TDP1: variants seen among roughly 807,000 people sequenced by gnomAD.
TDP1 encodes the protein tyrosyl-DNA phosphodiesterase 1.
TDP1 carries 64 observed loss-of-function variants against 81.5 expected under a neutral mutation model. That is an observed-to-expected ratio of 0.79 (90% CI 0.64 to 0.97). The LOEUF is 0.97. Ranked by LOEUF, TDP1 falls within the 50% of genes least tolerant of loss-of-function variation. The pLI is 0.00. For synonymous variants in TDP1, 256 were observed against 264.3 expected (o/e 0.97, Z 0.30); for missense variants, 723 against 743.8 (o/e 0.97, Z 0.33).
chr14:89,991,794 A>G (rs936536288), intron 12 of TDP1, 123 bp from the exon 13 acceptor site: 36 of 1,210,184 alleles, frequency 3.0e-5, no homozygotes, highest in Non-Finnish European at 3.8e-5. Flanking sequence ...ATTCTATAAG[A>G]TGAAGTAATA....
At chr14:89,969,009 A>G (rs1032434178) in intron 5 of TDP1, among the ~76,000 whole-genome samples, 3 of 152,210 alleles carry the variant, frequency 2.0e-5, no homozygotes, top group Admixed American at 1.3e-4. Context: ...GGGTGCAGAG[A>G]CAGAGATAAG....
intron 14 of TDP1, among the ~76,000 whole-genome samples, chr14:90,000,041 C>G (rs548641467): frequency 6.6e-6 from 1 of 152,292 alleles, no homozygotes; most frequent in African/African-American, 2.4e-5. Context: ...CAGCTGTGCT[C>G]TCATCTGAAG....
intron 13 of TDP1, among the ~76,000 whole-genome samples, chr14:89,992,615 C>A (rs1042039400): frequency 2.6e-5 from 4 of 152,168 alleles, no homozygotes; most frequent in Non-Finnish European, 5.9e-5. Context: ...AATCCTAGAG[C>A]TTTTCTTTAG....
At chr14:89,981,958 G>A (rs1895023211) in intron 8 of TDP1, among the ~76,000 whole-genome samples, 3 of 152,180 alleles carry the variant, frequency 2.0e-5, no homozygotes, top group Admixed American at 2.0e-4. Context: ...ACCGTGCCTG[G>A]CCCCAAGTTA....
intron 14 of TDP1, among the ~76,000 whole-genome samples, chr14:90,002,717 A>AG (rs1897286814): frequency 1.3e-5 from 2 of 151,454 alleles, no homozygotes; most frequent in African/African-American, 4.8e-5. Context: ...AAAAAAAAAA[A>AG]AAAAGGCGGG....
chr14:89,962,070 T>C (rs1186950840), intron 2 of TDP1, among the ~76,000 whole-genome samples: 3 of 152,190 alleles, frequency 2.0e-5, no homozygotes, highest in African/African-American at 4.8e-5. Context: ...TCGTGTACTT[T>C]CCTGTTCTCA....
At chr14:89,982,348 A>G (rs1358280335) in intron 8 of TDP1, among the ~76,000 whole-genome samples, 1 of 152,166 alleles carries the variant, frequency 6.6e-6, no homozygotes, top group Non-Finnish European at 1.5e-5. Context: ...ATGGTTAACT[A>G]TGCCTTTGGT....
chr14:90,030,400 A>G (rs1887147851), intron 15 of TDP1, among the ~76,000 whole-genome samples: 6 of 152,224 alleles, frequency 3.9e-5, no homozygotes, highest in Admixed American at 3.9e-4. Flanking sequence ...TAGCTAAAAT[A>G]TCCTCTACAA....
chr14:90,027,461 C>G (rs1368437588), intron 15 of TDP1, among the ~76,000 whole-genome samples: 1 of 151,930 alleles, frequency 6.6e-6, no homozygotes, highest in Admixed American at 6.6e-5. Context: ...CAGCATGTCC[C>G]CCAGGCTCCA....
At chr14:89,955,073 C>A, upstream of TDP1, 1 of 188,004 alleles carries the variant, frequency 5.3e-6, no homozygotes, top group Non-Finnish European at 1.1e-5. Flanking sequence ...TGACACTATG[C>A]TAAACGTTAT....
intron 3 of TDP1, among the ~76,000 whole-genome samples, chr14:89,964,183 C>T (rs759659078): frequency 4.6e-5 from 7 of 152,158 alleles, no homozygotes; most frequent in Admixed American, 6.5e-5. Context: ...TGCTTAAAAG[C>T]CTGGTTTTAG....
intron 2 of TDP1, among the ~76,000 whole-genome samples, chr14:89,957,425 A>C (rs1460081736): frequency 6.6e-6 from 1 of 152,224 alleles, no homozygotes; most frequent in Non-Finnish European, 1.5e-5. Flanking sequence ...GAGGCTCAGC[A>C]GTTAACTAAC....
intron 14 of TDP1, among the ~76,000 whole-genome samples, chr14:90,001,446 G>A (rs1367240550): frequency 6.6e-6 from 1 of 152,054 alleles, no homozygotes; most frequent in Non-Finnish European, 1.5e-5. Context: ...TGAACTATCT[G>A]CATTAGAAGT....
chr14:90,000,803 T>C lies in TDP1; in HGVS notation c.1541+7320T>C, dbSNP rs556823241. Among the ~76,000 whole-genome samples the C allele has an allele frequency of 2.0e-5, 3 of 152,366 alleles. No homozygotes were observed. The East Asian group carries it at 5.8e-4, about 29-fold the overall frequency. The stretch of plus-strand genomic sequence containing the variant: ...TTTTGTAGTTAAGCAAAAGTACCCT[T>C]GTACACACTCAAAAGACTGAACCTC... On this transcript the variant is annotated intron_variant, in intron 14 of 16. Transcript: ENST00000335725.
intron 11 of TDP1, 153 bp from the exon 12 acceptor site, chr14:89,989,564 T>C (rs767627134): frequency 1.3e-5 from 8 of 632,164 alleles, no homozygotes; most frequent in Non-Finnish European, 1.6e-5. Flanking sequence ...ACTAGTTCAT[T>C]TTTTTCATAA....
chr14:89,983,413 G>C (rs1464066983), intron 8 of TDP1: 1 of 212,398 alleles, frequency 4.7e-6, no homozygotes, highest in Non-Finnish European at 9.6e-6. Flanking sequence ...TTGCAGAGTT[G>C]AGAAGATGTA....
rs35979035 is a variant in TDP1, at chr14:90,022,913, C to T, written c.1644+3495C>T. On this transcript the variant is annotated intron_variant, in intron 15 of 16. Transcript: ENST00000335725. ...GGAGAGGCTGTCCAACGGAACAGCC[C>T]GACGGTTCCCTCCTCAAAGCATACC... 6.6e-3 allele frequency: 5,012 copies of T among 756,914 alleles called. 165 individuals are homozygous for T. The African/African-American group carries it at 0.073, about 11-fold the overall frequency. 46.9% of individuals were successfully genotyped at this position (756,914 alleles called of 1,614,324 possible).
At chr14:89,997,264 G>T (rs1456184660) in intron 14 of TDP1, among the ~76,000 whole-genome samples, 2 of 152,150 alleles carry the variant, frequency 1.3e-5, no homozygotes, top group Admixed American at 6.5e-5. Flanking sequence ...GCATACCCTG[G>T]TGACTGGCCA....
intron 9 of TDP1, 145 bp downstream of exon 9, chr14:89,984,828 A>G (rs749663618): frequency 7.5e-5 from 118 of 1,563,668 alleles, no homozygotes; most frequent in Middle Eastern, 3.4e-4. Flanking sequence ...AGCAGATTCT[A>G]TCACATCTGT....
Sources: gnomAD v4.1 joint callset for allele counts (sites outside exome capture counted in the v4.1 genomes callset) on GRCh38, gnomAD v4.1.1 for gene constraint, MANE v1.5 for transcripts, NCBI Gene and HGNC (gene_info 2026-07-23, HGNC 2026-07-21) for gene names.